Variants in HPSE2 observed in about 807,000 individuals in gnomAD.
HPSE2 encodes inactive heparanase-2.
In HPSE2, 38 loss-of-function variants were observed where a neutral mutation model predicts 60.5. The ratio of observed to expected loss-of-function variants is 0.63; its 90% CI spans 0.48 to 0.82. The LOEUF (loss-of-function observed/expected upper bound fraction) is 0.82. Among genes scored for constraint, HPSE2 ranks in the 40% least tolerant of loss-of-function variants. The pLI, the probability that HPSE2 is intolerant of heterozygous loss-of-function variation, is 0.00. For missense variants in HPSE2, 713 were observed against 740.4 expected, an observed-to-expected ratio of 0.96 and a Z score of 0.43; for synonymous variants, 295 against 293.2, an observed-to-expected ratio of 1.01 and a Z score of -0.06.
At chr10:99,032,765 T>C (rs542372478) in intron 3 of HPSE2, among the ~76,000 whole-genome samples, 10 of 152,306 alleles carry the variant, frequency 6.6e-5, no homozygotes, top group African/African-American at 2.4e-4. Context: ...CTTTTCCTTT[T>C]CCAGTGTCTA....
At chr10:99,025,730 G>C (rs990947925) in intron 3 of HPSE2, among the ~76,000 whole-genome samples, 1 of 152,026 alleles carries the variant, frequency 6.6e-6, no homozygotes, top group African/African-American at 2.4e-5. Flanking sequence ...GGAGAGGAGA[G>C]AGGAGCAGAA....
chr10:99,051,188 C>T (rs1475346294), intron 3 of HPSE2, among the ~76,000 whole-genome samples: 1 of 152,068 alleles, frequency 6.6e-6, no homozygotes, highest in Non-Finnish European at 1.5e-5. Flanking sequence ...GAGGCTGAGG[C>T]AGGAGAATGG....
chr10:99,217,818 TCAAA>T (rs1183737578), intron 2 of HPSE2, among the ~76,000 whole-genome samples: 2 of 152,256 alleles, frequency 1.3e-5, no homozygotes, highest in East Asian at 3.9e-4. Flanking sequence ...ACACCTGGCC[TCAAA>T]CAATCCTCTT....
At chr10:99,149,605 A>T (rs1846184013) in intron 2 of HPSE2, among the ~76,000 whole-genome samples, 1 of 152,248 alleles carries the variant, frequency 6.6e-6, no homozygotes, top group South Asian at 2.1e-4. Context: ...TTAGGAATTC[A>T]ACAAGTGCCA....
At chr10:98,750,302 A>G (rs1949730363) in intron 3 of HPSE2, among the ~76,000 whole-genome samples, 3 of 152,162 alleles carry the variant, frequency 2.0e-5, no homozygotes, top group Admixed American at 6.5e-5. Flanking sequence ...GGAGAGCAGT[A>G]GGAGATGAGA....
At chr10:98,894,726 T>C (rs748048693) in intron 3 of HPSE2, among the ~76,000 whole-genome samples, 1 of 151,928 alleles carries the variant, frequency 6.6e-6, no homozygotes, top group Non-Finnish European at 1.5e-5. Flanking sequence ...ATTTAAAAGA[T>C]ATAACTAAGA....
intron 3 of HPSE2, among the ~76,000 whole-genome samples, chr10:98,756,759 T>G (rs1589772680): frequency 6.7e-6 from 1 of 149,858 alleles, no homozygotes; most frequent in Non-Finnish European, 1.5e-5. Context: ...TAAAGAAGAG[T>G]TGGTACCAAT....
intron 11 of HPSE2, among the ~76,000 whole-genome samples, chr10:98,465,335 T>C (rs561159862): frequency 6.6e-6 from 1 of 152,308 alleles, no homozygotes; most frequent in African/African-American, 2.4e-5. Flanking sequence ...GTGTTAGCAT[T>C]CCTGTATTAC....
chr10:99,099,455 G>A (rs954310564), intron 3 of HPSE2, among the ~76,000 whole-genome samples: 4 of 152,206 alleles, frequency 2.6e-5, no homozygotes, highest in Non-Finnish European at 5.9e-5. Flanking sequence ...AGGGGTGACC[G>A]CCATTGCTGA....
At chr10:98,909,755 C>T (rs912654068) in intron 3 of HPSE2, among the ~76,000 whole-genome samples, 5 of 151,474 alleles carry the variant, frequency 3.3e-5, no homozygotes, top group Admixed American at 2.6e-4. Flanking sequence ...TAAAAACTTA[C>T]ACATCAAAGT....
intron 11 of HPSE2, among the ~76,000 whole-genome samples, chr10:98,469,467 CATT>C (rs1213041214): frequency 6.6e-6 from 1 of 152,172 alleles, no homozygotes; most frequent in Non-Finnish European, 1.5e-5. Context: ...GTTTAAGGGG[CATT>C]ATTCATAGTT....
intron 3 of HPSE2, among the ~76,000 whole-genome samples, chr10:99,123,247 C>T (rs1160736128): frequency 6.6e-6 from 1 of 151,958 alleles, no homozygotes; most frequent in Admixed American, 6.6e-5. Flanking sequence ...AGAGCAATTA[C>T]AAACTATTAA....
intron 9 of HPSE2, among the ~76,000 whole-genome samples, chr10:98,503,960 G>A (rs1017697542): frequency 2.0e-5 from 3 of 152,056 alleles, no homozygotes; most frequent in African/African-American, 7.2e-5. Context: ...CACCACTAAA[G>A]AACTTACTCA....
rs903001857 is a variant in HPSE2 at position 99,228,520 on chromosome 10, T to G, written c.448+3828A>C. On this transcript the variant is annotated intron_variant, in intron 2 of 11. Coordinates refer to ENST00000370552, the MANE Select transcript of HPSE2 (RefSeq NM_021828.5). ...AGGGGAAGACTGGAAAAAAATAAACTTAAGAACAGAAGAATAACCCAAGAT... is the reference window on the plus strand; with the variant it reads ...AGGGGAAGACTGGAAAAAAATAAACGTAAGAACAGAAGAATAACCCAAGAT... Among the ~76,000 whole-genome samples, 21 of 152,158 alleles carry G rather than the reference T, an allele frequency of 1.4e-4. 1 individual carries two copies. Among genetic ancestry groups the G allele is most frequent in the Admixed American group, 7.2e-4 (11 of 15,284 alleles).
chr10:98,530,572 T>C (rs531914277), intron 9 of HPSE2, among the ~76,000 whole-genome samples: 26 of 152,316 alleles, frequency 1.7e-4, no homozygotes, highest in Admixed American at 5.2e-4. Flanking sequence ...ATCCCTTTTG[T>C]TAGCTCTCAG....
chr10:98,656,238 ACCACAC>A (rs1947059404), intron 6 of HPSE2, among the ~76,000 whole-genome samples: 1 of 152,042 alleles, frequency 6.6e-6, no homozygotes, highest in African/African-American at 2.4e-5. Flanking sequence ...GGCGCATCCC[ACCACAC>A]CCGGCTAATG....
chr10:98,534,341 C>T (rs191938146), intron 9 of HPSE2, among the ~76,000 whole-genome samples: 3 of 152,244 alleles, frequency 2.0e-5, no homozygotes, highest in African/African-American at 4.8e-5. Context: ...ATAGTCATAA[C>T]CTGAGATTTT....
the HPSE2 span, among the ~76,000 whole-genome samples, chr10:99,305,338 C>A: frequency 6.6e-6 from 1 of 152,158 alleles, no homozygotes; most frequent in Admixed American, 6.5e-5. Flanking sequence ...GGACCCCAGG[C>A]TCTCAATGAA....
chr10:98,726,568 T>C (rs1343686908), intron 4 of HPSE2, among the ~76,000 whole-genome samples: 1 of 150,836 alleles, frequency 6.6e-6, no homozygotes, highest in Non-Finnish European at 1.5e-5. Flanking sequence ...CACACCAACA[T>C]GGCATATGTA....
Sources: gnomAD v4.1 joint callset for allele counts (sites outside exome capture counted in the v4.1 genomes callset) on GRCh38, gnomAD v4.1.1 for gene constraint, MANE v1.5 for transcripts, NCBI Gene and HGNC (gene_info 2026-07-23, HGNC 2026-07-21) for gene names.